The following TMEM126A variants were observed in gnomAD, a reference collection of about 807,000 sequenced individuals.
The protein encoded by TMEM126A is optic atrophy 7.
A neutral mutation model predicts 18.3 loss-of-function variants in TMEM126A; 10 were observed. The ratio of observed to expected loss-of-function variants is 0.55; its 90% CI spans 0.34 to 0.93. TMEM126A has a LOEUF of 0.93. Among genes scored for constraint, TMEM126A ranks in the 40% least tolerant of loss-of-function variants. The probability of loss-of-function intolerance (pLI) is 0.02; values close to 1 mark genes in which losing one functional copy is unlikely to be tolerated. For synonymous variants in TMEM126A, 68 were observed against 78.1 expected, an observed-to-expected ratio of 0.87 and a Z score of 0.68; for missense variants, 246 against 230.2, an observed-to-expected ratio of 1.07 and a Z score of -0.44.
intron 3 of TMEM126A, among the ~76,000 whole-genome samples, chr11:85,655,056 GTGC>G (rs1441735031): frequency 6.6e-6 from 1 of 151,976 alleles, no homozygotes; most frequent in Non-Finnish European, 1.5e-5. Flanking sequence ...TCTACCATGT[GTGC>G]TGAATACTTT....
At chr11:85,649,877 G>A (rs1445231255) in intron 1 of TMEM126A, among the ~76,000 whole-genome samples, 1 of 152,180 alleles carries the variant, frequency 6.6e-6, no homozygotes, top group East Asian at 1.9e-4. Flanking sequence ...TTCCATGTAT[G>A]TTCTGGGTAC....
At chr11:85,648,794 A>G (rs903293107) in intron 1 of TMEM126A, among the ~76,000 whole-genome samples, 1 of 152,222 alleles carries the variant, frequency 6.6e-6, no homozygotes, top group Non-Finnish European at 1.5e-5. Flanking sequence ...TGGAATGTCA[A>G]GGTAATCAAC....
intron 2 of TMEM126A, among the ~76,000 whole-genome samples, chr11:85,650,982 T>C (rs4570600): frequency 0.03 from 4,476 of 148,402 alleles, 208 homozygotes; most frequent in African/African-American, 0.11. Flanking sequence ...GGCAGGAGAA[T>C]TGCTTGAACC....
intron 1 of TMEM126A, among the ~76,000 whole-genome samples, 158 bp from the exon 2 acceptor site, chr11:85,650,091 T>C (rs1451266854): frequency 6.6e-6 from 1 of 152,246 alleles, no homozygotes; most frequent in Non-Finnish European, 1.5e-5. Context: ...TGTGTTGCTT[T>C]TCATGTTCTG....
In TMEM126A at chr11:85,656,376, G is replaced by A. The variant is rs748615406; in HGVS notation, c.463G>A (p.Val155Ile). 2.5e-6 allele frequency: 4 copies of A among 1,613,036 alleles called. No homozygotes were observed. Among genetic ancestry groups the A allele is most frequent in the Non-Finnish European group, 3.4e-6 (4 of 1,179,564 alleles). ...TTACTGGATTAGAACTTCTAAGCCT[G>A]TCTTTAGAAAGATGTTATTTCCTAT... ...LSYWIRTSKP[V>I]FRKMLFPILL... Residue 155 changes from valine to isoleucine, a missense_variant, in exon 5 of 5, where the codon GTC becomes ATC. By Grantham distance (29) the Val-to-Ile change is conservative. Coordinates refer to ENST00000304511, the MANE Select transcript of TMEM126A (RefSeq NM_032273.4).
intron 1 of TMEM126A, among the ~76,000 whole-genome samples, chr11:85,648,934 C>CT (rs2082480403): frequency 6.9e-6 from 1 of 145,938 alleles, no homozygotes. Context: ...TATCCCTGAA[C>CT]TGTTTTTTTT....
At chr11:85,654,315 T>TAAA in intron 3 of TMEM126A, 59 bp downstream of exon 3, 5 of 1,492,050 alleles carry the variant, frequency 3.4e-6, no homozygotes, top group Non-Finnish European at 4.7e-6. Context: ...TTTGCAGCTT[T>TAAA]AGTCCATACT....
rs1441679224 is a variant in TMEM126A, at chr11:85,654,335, C to A, written c.280+79C>A. The A allele has an allele frequency of 1.3e-5, 17 of 1,351,110 alleles. No individual in the cohort carries two copies. The Admixed American group carries it at 1.9e-4, about 15-fold the overall frequency. The allele number at this position is 1,351,110 out of a possible 1,614,324, so 83.7% of individuals were successfully genotyped here. A position where few individuals can be genotyped will look rare whatever the true frequency, so the allele number is the denominator to read the frequency against. ...AGCTTTAGTCCATACTTATTAATAT[C>A]AAGTAGCTGTATGCTGTAATGCAGT... is the stretch of plus-strand genomic sequence containing the variant. On this transcript the variant is annotated intron_variant, in intron 3 of 4. Coordinates refer to ENST00000304511, the MANE Select transcript of TMEM126A (RefSeq NM_032273.4).
chr11:85,651,846 A>G (rs1391430166), intron 2 of TMEM126A, among the ~76,000 whole-genome samples: 1 of 152,160 alleles, frequency 6.6e-6, no homozygotes, highest in African/African-American at 2.4e-5. Context: ...GGCCAGCAAG[A>G]TAGGGAAAGT....
Position 85,654,090 on chromosome 11 carries a change from T to C in TMEM126A, c.114T>C (p.Tyr38=). 2 of 1,614,232 alleles carry C rather than the reference T, an allele frequency of 1.2e-6. No individual in the cohort carries two copies. The highest frequency in any genetic ancestry group is 1.7e-6 in the Non-Finnish European group (2 of 1,180,028). Residue 38 remains tyrosine, a synonymous_variant, in exon 3 of 5, where the codon TAT becomes TAC. Transcript: ENST00000304511. ...ERNLLENGSV[Y]VGLNAALCGL... ...ATCTACTTGAAAATGGATCGGTTTATGTTGGATTAAATGCTGCTCTTTGTG... is the reference window on the plus strand; with the variant it reads ...ATCTACTTGAAAATGGATCGGTTTACGTTGGATTAAATGCTGCTCTTTGTG...
chr11:85,650,757 G>A (rs1208646915), intron 2 of TMEM126A, among the ~76,000 whole-genome samples: 1 of 152,098 alleles, frequency 6.6e-6, no homozygotes, highest in Non-Finnish European at 1.5e-5. Flanking sequence ...ATAGGATCAT[G>A]GCTAAAGATC....
At chr11:85,654,404 A>G (rs2082522997) in intron 3 of TMEM126A, 148 bp downstream of exon 3, 6 of 778,148 alleles carry the variant, frequency 7.7e-6, no homozygotes, top group Admixed American at 2.5e-5. Context: ...CAAATAATTC[A>G]TATTAGTATG....
At chr11:85,651,290 T>C (rs1164447870) in intron 2 of TMEM126A, among the ~76,000 whole-genome samples, 2 of 152,142 alleles carry the variant, frequency 1.3e-5, no homozygotes, top group African/African-American at 4.8e-5. Flanking sequence ...AGCCACAAGA[T>C]AGCCAAGGCT....
intron 3 of TMEM126A, 76 bp downstream of exon 3, chr11:85,654,332 T>C (rs1026249707): frequency 8.0e-6 from 11 of 1,381,970 alleles, no homozygotes; most frequent in Non-Finnish European, 1.1e-5. Flanking sequence ...TACTTATTAA[T>C]ATCAAGTAGC....
intron 3 of TMEM126A, chr11:85,655,260 C>G: frequency 8.1e-6 from 2 of 248,160 alleles, no homozygotes; most frequent in Non-Finnish European, 1.6e-5. Context: ...AGACCTATCG[C>G]CCATTTAATT....
chr11:85,650,722 T>C (rs1435148105), intron 2 of TMEM126A, among the ~76,000 whole-genome samples: 1 of 152,132 alleles, frequency 6.6e-6, no homozygotes. Flanking sequence ...AGAACACACA[T>C]AGCAAGATAG....
intron 2 of TMEM126A, among the ~76,000 whole-genome samples, chr11:85,651,738 C>T (rs556520364): frequency 2.6e-5 from 4 of 152,136 alleles, no homozygotes; most frequent in Admixed American, 2.0e-4. Context: ...GCTCTTTCAC[C>T]CCCCCTCCCC....
chr11:85,654,256 G>A lies in TMEM126A; in HGVS notation c.280G>A (p.Gly94Ser), dbSNP rs200692120. ...RCFVSFPLNT[G>S]DLDCETCTIT... is the part of the protein sequence containing the mutation. ...TTTTGTAAGTTTTCCTTTGAATACAGGTAAATTCTACTTCACTATCACCAA... is the reference window on the plus strand; with the variant it reads ...TTTTGTAAGTTTTCCTTTGAATACAAGTAAATTCTACTTCACTATCACCAA... Residue 94 changes from glycine to serine, a missense_variant and splice_region_variant, in exon 3 of 5, where the codon GGT becomes AGT. Gly to Ser is a moderately conservative substitution (Grantham distance 56). Transcript: ENST00000304511. The A allele has an allele frequency of 1.2e-6, 2 of 1,613,794 alleles. No individual in the cohort carries two copies.
intron 1 of TMEM126A, among the ~76,000 whole-genome samples, chr11:85,648,499 A>G (rs369645278): frequency 4.5e-4 from 69 of 152,332 alleles, no homozygotes; most frequent in African/African-American, 1.6e-3. Flanking sequence ...TCTTTGATAG[A>G]TATTTGTTAT....
Sources: allele counts gnomAD v4.1 joint callset (sites outside exome capture counted in the v4.1 genomes callset), GRCh38; gene constraint gnomAD v4.1.1; transcripts MANE v1.5; gene names NCBI Gene and HGNC (gene_info 2026-07-23, HGNC 2026-07-21).